CCDC3: variants seen among roughly 807,000 people sequenced by gnomAD.
CCDC3 encodes coiled-coil domain containing 3.
In CCDC3, 24 loss-of-function variants were observed where a neutral mutation model predicts 21.4. That is an observed-to-expected ratio of 1.12 (90% CI 0.81 to 1.58). The LOEUF is 1.58. CCDC3 is among the 40% of genes most tolerant of loss of function. The pLI is 0.00. For synonymous variants in CCDC3, 186 were observed against 166.0 expected, an observed-to-expected ratio of 1.12 and a Z score of -0.93; for missense variants, 425 against 360.9, an observed-to-expected ratio of 1.18 and a Z score of -1.44.
At chr10:12,939,756 A>G (rs1211867842) in intron 2 of CCDC3, among the ~76,000 whole-genome samples, 1 of 152,192 alleles carries the variant, frequency 6.6e-6, no homozygotes, top group Non-Finnish European at 1.5e-5. Flanking sequence ...CTGATCAAAT[A>G]GTAGTAATTA....
chr10:13,038,488 T>C (rs1161180166), intron 5 of CCDC3, among the ~76,000 whole-genome samples: 1 of 152,028 alleles, frequency 6.6e-6, no homozygotes, highest in Non-Finnish European at 1.5e-5. Flanking sequence ...CAAAAGTTGA[T>C]TGTTTAAGAA....
intron 2 of CCDC3, among the ~76,000 whole-genome samples, chr10:12,976,554 A>G (rs1266019633): frequency 2.6e-5 from 4 of 152,222 alleles, no homozygotes; most frequent in Non-Finnish European, 5.9e-5. Flanking sequence ...GGTATCTTAG[A>G]GAATTGACTT....
At chr10:13,077,640 A>G (rs145780457) in intron 3 of CCDC3, among the ~76,000 whole-genome samples, 123 of 151,010 alleles carry the variant, frequency 8.1e-4, no homozygotes, top group Middle Eastern at 3.5e-3. Context: ...AAAACAGCAC[A>G]GTACTGGTAC....
chr10:13,093,468 A>G (rs952946177), intron 3 of CCDC3, among the ~76,000 whole-genome samples: 1 of 152,228 alleles, frequency 6.6e-6, no homozygotes, highest in Admixed American at 6.5e-5. Context: ...GCCAAACCAT[A>G]TCACCAGCCA....
chr10:12,954,022 A>G (rs1407872961), intron 2 of CCDC3, among the ~76,000 whole-genome samples: 4 of 152,334 alleles, frequency 2.6e-5, no homozygotes, highest in South Asian at 2.1e-4. Flanking sequence ...ACAGCCATCA[A>G]TTTGAATTTC....
intron 2 of CCDC3, among the ~76,000 whole-genome samples, chr10:12,991,581 A>G (rs1365301963): frequency 2.0e-5 from 3 of 151,948 alleles, no homozygotes; most frequent in African/African-American, 7.3e-5. Context: ...GGATCTGCCC[A>G]CCTCAGCCCC....
At chr10:13,001,174 GGC>G in intron 1 of CCDC3, 21 bp downstream of exon 1, 1 of 1,542,988 alleles carries the variant, frequency 6.5e-7, no homozygotes, top group Non-Finnish European at 8.8e-7. Flanking sequence ...AGAGAGAGGT[GGC>G]GGCGGCGCCG....
intron 3 of CCDC3, among the ~76,000 whole-genome samples, chr10:13,080,231 GAGAGAT>G (rs1166009937): frequency 4.7e-5 from 7 of 150,432 alleles, no homozygotes; most frequent in Non-Finnish European, 1.0e-4. Context: ...GCAAATGAAA[GAGAGAT>G]AGAGGGAGAG....
At chr10:12,907,995 G>C (rs965836407) in intron 2 of CCDC3, among the ~76,000 whole-genome samples, 2 of 152,236 alleles carry the variant, frequency 1.3e-5, no homozygotes, top group Non-Finnish European at 2.9e-5. Flanking sequence ...AGGGGGACAA[G>C]ATCTTAAATG....
At chr10:13,065,968 T>C (rs543868982) in intron 4 of CCDC3, among the ~76,000 whole-genome samples, 2 of 152,178 alleles carry the variant, frequency 1.3e-5, no homozygotes, top group African/African-American at 4.8e-5. Flanking sequence ...GGGAAGTGAG[T>C]TGGAAGACCT....
chr10:12,901,631 A>G (rs900775399), intron 2 of CCDC3, among the ~76,000 whole-genome samples: 1 of 152,194 alleles, frequency 6.6e-6, no homozygotes, highest in Admixed American at 6.5e-5. Context: ...TCTCAGTGGG[A>G]TGATCATGGT....
intron 2 of CCDC3, among the ~76,000 whole-genome samples, chr10:12,914,224 T>C (rs571002508): frequency 2.0e-5 from 3 of 152,336 alleles, no homozygotes; most frequent in Admixed American, 6.5e-5. Context: ...TCTTTGATGA[T>C]AGACTTTTTA....
chr10:13,009,624 A>T (rs758976758), intron 5 of CCDC3, among the ~76,000 whole-genome samples: 5 of 152,242 alleles, frequency 3.3e-5, no homozygotes, highest in Non-Finnish European at 7.3e-5. Flanking sequence ...AAATATATAG[A>T]TAACTGATTA....
At chr10:12,942,923 C>T (rs1424128027) in intron 2 of CCDC3, among the ~76,000 whole-genome samples, 1 of 152,100 alleles carries the variant, frequency 6.6e-6, no homozygotes, top group African/African-American at 2.4e-5. Context: ...AGGCAAAGAA[C>T]GTGGGGTATT....
intron 4 of CCDC3, among the ~76,000 whole-genome samples, chr10:13,054,487 G>A (rs910101594): frequency 1.3e-5 from 2 of 152,038 alleles, no homozygotes; most frequent in Middle Eastern, 3.2e-3. Flanking sequence ...TTGGCTACGA[G>A]CTCCATGATG....
At position 13,035,373 on chromosome 10, in the gene CCDC3, TA is replaced by T. The variant is rs543259705; in HGVS notation, c.-2+14300del. On this transcript the variant is annotated intron_variant, in intron 5 of 6. Coordinates refer to the CCDC3 transcript ENST00000378839. ...CACATTAGACATTAGAGACCAAAAA[TA>T]AAATAAAATAAAATAAAAAATAAAT... 1.9e-3 allele frequency among the ~76,000 whole-genome samples: 288 copies of T among 152,108 alleles called. 1 individual carries two copies. Among genetic ancestry groups the T allele is most frequent in the African/African-American group, 6.7e-3 (277 of 41,518 alleles).
intron 2 of CCDC3, among the ~76,000 whole-genome samples, chr10:12,951,468 G>A (rs915003070): frequency 1.3e-5 from 2 of 152,138 alleles, no homozygotes; most frequent in Non-Finnish European, 2.9e-5. Context: ...GTCTCTACCA[G>A]CATCTGTAAA....
rs536975707 is a variant in CCDC3 at position 13,041,116 on chromosome 10, GA to G, written c.-2+8557del. On this transcript the variant is annotated intron_variant, in intron 5 of 6. Transcript: ENST00000378839. ...GCAGCCTTTTTAGTAAGTGCGCTAA[GA>G]AAAAAAATTTCTCCTCTAAAGTTCT... 5.5e-3 allele frequency among the ~76,000 whole-genome samples: 841 copies of G among 151,920 alleles called. 5 individuals carry two copies. Among genetic ancestry groups the G allele is most frequent in the African/African-American group, 0.018 (765 of 41,438 alleles).
intron 2 of CCDC3, among the ~76,000 whole-genome samples, chr10:12,960,404 C>A (rs961094341): frequency 5.3e-5 from 8 of 152,108 alleles, no homozygotes; most frequent in African/African-American, 1.9e-4. Flanking sequence ...GAGAGACAGT[C>A]TGAGTCCTGG....
Sources: gnomAD v4.1 joint callset for allele counts (sites outside exome capture counted in the v4.1 genomes callset) on GRCh38, gnomAD v4.1.1 for gene constraint, MANE v1.5 for transcripts, NCBI Gene and HGNC (gene_info 2026-07-23, HGNC 2026-07-21) for gene names.